Variants in ST6GAL1 observed in about 807,000 individuals in gnomAD.
ST6GAL1 encodes ST6 beta-galactoside alpha-2,6-sialyltransferase 1, also known as beta-galactoside alpha-2,6-sialyltransferase 1.
Under a neutral mutation model 38.0 loss-of-function variants are expected in ST6GAL1, and 20 were observed. The observed-to-expected ratio is 0.53, with a 90% confidence interval of 0.37 to 0.77. The LOEUF (loss-of-function observed/expected upper bound fraction) is 0.77. Ranked by LOEUF, ST6GAL1 falls within the 30% of genes least tolerant of loss-of-function variation. ST6GAL1 has a pLI of 0.00. For synonymous variants in ST6GAL1, 196 were observed against 188.2 expected, an observed-to-expected ratio of 1.04 and a Z score of -0.34; for missense variants, 432 against 496.4, an observed-to-expected ratio of 0.87 and a Z score of 1.23.
chr3:186,939,178 G>A (rs1308284590), intron 1 of ST6GAL1, among the ~76,000 whole-genome samples: 4 of 151,514 alleles, frequency 2.6e-5, no homozygotes, highest in South Asian at 4.2e-4. Context: ...AGGCACAAGC[G>A]ATCCTCCTGC....
intron 5 of ST6GAL1, among the ~76,000 whole-genome samples, chr3:187,061,568 A>G (rs1201000470): frequency 6.6e-6 from 1 of 152,218 alleles, no homozygotes. Context: ...AAAGTCTTGT[A>G]TATATGTGTA....
chr3:187,038,665 T>A (rs1233119172), intron 2 of ST6GAL1, 77 bp from the exon 3 acceptor site: 1 of 152,224 alleles, frequency 6.6e-6, no homozygotes, highest in Non-Finnish European at 1.5e-5. Context: ...TTCCATCTTG[T>A]TAATGTTTAA....
intron 1 of ST6GAL1, among the ~76,000 whole-genome samples, chr3:186,956,164 A>G (rs564432880): frequency 6.6e-6 from 1 of 152,050 alleles, no homozygotes; most frequent in African/African-American, 2.4e-5. Flanking sequence ...AGCCGGTCCC[A>G]CAGAGTGAGA....
intron 1 of ST6GAL1, among the ~76,000 whole-genome samples, chr3:186,944,873 ACT>A (rs1262306690): frequency 5.3e-5 from 8 of 152,214 alleles, no homozygotes; most frequent in Admixed American, 3.9e-4. Context: ...GCTGTAAGTA[ACT>A]CTGGGAAAAA....
chr3:187,054,570 T>C lies in ST6GAL1; in HGVS notation c.705+3224T>C, dbSNP rs139771877. Among the ~76,000 whole-genome samples, 188 of 152,346 alleles carry C rather than the reference T, an allele frequency of 1.2e-3. 6 individuals are homozygous for C. In the East Asian group the frequency reaches 0.029, roughly 24 times the overall value. The stretch of plus-strand genomic sequence containing the variant: ...TATTGAGATAATCATGTGGTTTTTG[T>C]CATTGTTCTGTTTATGTGATGGATT... On this transcript the variant is annotated intron_variant, in intron 5 of 7. Transcript: ENST00000169298.
chr3:186,941,887 C>T (rs190675710), intron 1 of ST6GAL1, among the ~76,000 whole-genome samples: 1 of 152,158 alleles, frequency 6.6e-6, no homozygotes, highest in African/African-American at 2.4e-5. Context: ...TTGTGGGTGG[C>T]TGTAGTCCCA....
rs1336912082 is a variant in ST6GAL1, at chr3:187,042,716, A to C, written c.13A>C (p.Asn5His). Residue 5 changes from asparagine to histidine, a missense_variant, in exon 4 of 8, where the codon AAC becomes CAC. Transcript: ENST00000169298. MIHTNLKKKFSCCVL... is the reference protein window; with the variant it reads MIHTHLKKKFSCCVL... ...ACACATCTTCATTATGATTCACACC[A>C]ACCTGAAGAAAAAGTTCAGCTGCTG... is the stretch of plus-strand genomic sequence containing the variant. 6.2e-7 allele frequency: 1 copy of C among 1,610,872 alleles called. No homozygotes were observed. The highest frequency in any genetic ancestry group is 1.3e-5 in the African/African-American group (1 of 74,818).
chr3:187,050,560 G>GAGAGAGGGAGGGAGGGAAGGAA (rs371144529), intron 4 of ST6GAL1, among the ~76,000 whole-genome samples: 1 of 149,588 alleles, frequency 6.7e-6, no homozygotes, highest in African/African-American at 2.5e-5. Flanking sequence ...GAGAGAGAGA[G>GAGAGAGGGAGGGAGGGAAGGAA]GGAGGGAGGG....
chr3:187,000,222 C>G (rs139253745), intron 2 of ST6GAL1, among the ~76,000 whole-genome samples: 1 of 152,106 alleles, frequency 6.6e-6, no homozygotes, highest in African/African-American at 2.4e-5. Context: ...GCAAAGCAAG[C>G]TTTTAATAGA....
chr3:187,068,352 A>AC (rs1719244697), intron 5 of ST6GAL1, among the ~76,000 whole-genome samples: 1 of 152,066 alleles, frequency 6.6e-6, no homozygotes, highest in African/African-American at 2.4e-5. Context: ...AAAAAAAAAA[A>AC]AAAAAAAGAA....
intron 2 of ST6GAL1, among the ~76,000 whole-genome samples, chr3:186,979,826 T>C (rs1715635038): frequency 6.6e-6 from 1 of 152,180 alleles, no homozygotes; most frequent in African/African-American, 2.4e-5. Flanking sequence ...AATCCTGGTC[T>C]CGGGCACTTT....
chr3:186,966,670 A>G (rs954158965), intron 2 of ST6GAL1, among the ~76,000 whole-genome samples: 2 of 152,150 alleles, frequency 1.3e-5, no homozygotes, highest in African/African-American at 2.4e-5. Context: ...TCTTCCTTGT[A>G]GTGTAAGATA....
At chr3:187,030,220 G>C (rs549715501) in intron 2 of ST6GAL1, among the ~76,000 whole-genome samples, 2 of 152,204 alleles carry the variant, frequency 1.3e-5, no homozygotes, top group African/African-American at 4.8e-5. Context: ...CTGCAGCCAG[G>C]TAAGTGGGGT....
At chr3:186,998,152 T>C (rs1180180779) in intron 2 of ST6GAL1, among the ~76,000 whole-genome samples, 3 of 152,222 alleles carry the variant, frequency 2.0e-5, no homozygotes, top group East Asian at 3.9e-4. Flanking sequence ...TTAAACAACA[T>C]AGAACTACAC....
intron 1 of ST6GAL1, among the ~76,000 whole-genome samples, chr3:186,960,624 A>G (rs1033210273): frequency 6.6e-6 from 1 of 152,056 alleles, no homozygotes; most frequent in Non-Finnish European, 1.5e-5. Context: ...TGCAGTGCTG[A>G]GTATGGTGAT....
intron 5 of ST6GAL1, among the ~76,000 whole-genome samples, chr3:187,064,068 A>C (rs1222677377): frequency 6.6e-6 from 1 of 152,136 alleles, no homozygotes; most frequent in Non-Finnish European, 1.5e-5. Context: ...AAATCCCAAC[A>C]GGGAAGGTGA....
intron 1 of ST6GAL1, among the ~76,000 whole-genome samples, chr3:186,959,072 C>T (rs1329675606): frequency 1.3e-5 from 2 of 152,266 alleles, no homozygotes; most frequent in East Asian, 3.9e-4. Flanking sequence ...CCAATCAAAG[C>T]TGAATGATTG....
chr3:186,936,665 G>T (rs868247373), intron 1 of ST6GAL1, among the ~76,000 whole-genome samples: 9 of 152,162 alleles, frequency 5.9e-5, no homozygotes, highest in Non-Finnish European at 1.0e-4. Context: ...TAGGGGCTGG[G>T]CACAGCGGCT....
intron 2 of ST6GAL1, among the ~76,000 whole-genome samples, chr3:186,965,693 G>C (rs572731446): frequency 6.6e-5 from 10 of 152,314 alleles, no homozygotes; most frequent in African/African-American, 2.4e-4. Context: ...ATGGAGCACT[G>C]CTCAGGAGGC....
Sources: allele counts gnomAD v4.1 joint callset (sites outside exome capture counted in the v4.1 genomes callset), GRCh38; gene constraint gnomAD v4.1.1; transcripts MANE v1.5; gene names NCBI Gene and HGNC (gene_info 2026-07-23, HGNC 2026-07-21).